RARB: variants seen among roughly 807,000 people sequenced by gnomAD.
RARB encodes the protein HBV-activated protein.
RARB carries 17 observed loss-of-function variants against 51.9 expected under a neutral mutation model. That is an observed-to-expected ratio of 0.33 (90% confidence interval 0.22 to 0.49). RARB has a LOEUF of 0.49. Among genes scored for constraint, RARB ranks in the 20% least tolerant of loss-of-function variants. RARB has a pLI of 0.99. For missense variants in RARB, 369 were observed against 550.8 expected (o/e 0.67, Z 3.30); for synonymous variants, 215 against 195.4 (o/e 1.10, Z -0.84).
chr3:25,556,168 A>G (rs1209490881), intron 3 of RARB, among the ~76,000 whole-genome samples: 1 of 152,166 alleles, frequency 6.6e-6, no homozygotes, highest in East Asian at 1.9e-4. Context: ...AATACCTGAG[A>G]ATTAAAGTTC....
intron 4 of RARB, among the ~76,000 whole-genome samples, chr3:25,576,086 C>T (rs1700916104): frequency 7.7e-6 from 1 of 129,204 alleles, no homozygotes; most frequent in Non-Finnish European, 1.6e-5. Context: ...ACGTTCCCAG[C>T]AAAAGCAATA....
At chr3:24,996,082 T>A (rs1010548748) in intron 2 of RARB, among the ~76,000 whole-genome samples, 1 of 152,104 alleles carries the variant, frequency 6.6e-6, no homozygotes, top group Admixed American at 6.6e-5. Flanking sequence ...GTGAAGCCAT[T>A]GGTTCTGGAC....
chr3:25,184,536 A>G (rs1700931808), intron 5 of RARB, among the ~76,000 whole-genome samples: 1 of 152,100 alleles, frequency 6.6e-6, no homozygotes, highest in Non-Finnish European at 1.5e-5. Context: ...GGGGAGATGC[A>G]GAAAGATAGG....
chr3:25,014,972 T>C (rs1034920928), intron 2 of RARB, among the ~76,000 whole-genome samples: 2 of 152,216 alleles, frequency 1.3e-5, no homozygotes, highest in African/African-American at 4.8e-5. Flanking sequence ...GTATATCTTT[T>C]TGTATTTCTT....
intron 3 of RARB, among the ~76,000 whole-genome samples, chr3:25,081,007 TTTAC>T (rs1379842790): frequency 6.6e-6 from 1 of 152,120 alleles, no homozygotes; most frequent in Non-Finnish European, 1.5e-5. Context: ...TCTGATCTCT[TTTAC>T]TTTATTATCT....
At chr3:25,427,777 G>A (rs193276730), upstream of RARB, among the ~76,000 whole-genome samples, 23 of 152,302 alleles carry the variant, frequency 1.5e-4, no homozygotes, top group African/African-American at 5.3e-4. Context: ...CTACAGTTTA[G>A]GGCTTGCATG....
At chr3:24,917,162 C>G (rs1575070596) in intron 2 of RARB, among the ~76,000 whole-genome samples, 2 of 152,164 alleles carry the variant, frequency 1.3e-5, no homozygotes, top group East Asian at 3.9e-4. Context: ...TTAGTGGGAA[C>G]AAATTACTTT....
intron 4 of RARB, among the ~76,000 whole-genome samples, chr3:25,170,125 A>G (rs1472286627): frequency 2.6e-5 from 4 of 152,126 alleles, no homozygotes; most frequent in Non-Finnish European, 4.4e-5. Context: ...ACCACGGCCC[A>G]TGGGTCAAAT....
intron 2 of RARB, among the ~76,000 whole-genome samples, chr3:25,471,740 A>G (rs879762682): frequency 3.3e-5 from 5 of 152,116 alleles, no homozygotes; most frequent in Non-Finnish European, 7.3e-5. Flanking sequence ...GAAAATATCT[A>G]GAACACTTTC....
intron 3 of RARB, among the ~76,000 whole-genome samples, chr3:25,072,715 TA>T (rs1318808508): frequency 3.4e-5 from 5 of 148,026 alleles, no homozygotes; most frequent in African/African-American, 1.0e-4. Context: ...ATTTTTTATT[TA>T]TTTTTTTTTT....
At chr3:25,224,925 C>A (rs1702022899) in intron 5 of RARB, among the ~76,000 whole-genome samples, 1 of 152,084 alleles carries the variant, frequency 6.6e-6, no homozygotes, top group Non-Finnish European at 1.5e-5. Flanking sequence ...TATACTGTAC[C>A]TAAGCAGCTT....
chr3:25,406,848 A>G (rs1478774018), intron 5 of RARB, among the ~76,000 whole-genome samples: 1 of 152,168 alleles, frequency 6.6e-6, no homozygotes, highest in Non-Finnish European at 1.5e-5. Context: ...ACATTGCCTC[A>G]ACCCAGGGTG....
chr3:25,290,774 G>A (rs1025448682), intron 5 of RARB, among the ~76,000 whole-genome samples: 3 of 152,176 alleles, frequency 2.0e-5, no homozygotes, highest in African/African-American at 7.2e-5. Context: ...GCCATTGACA[G>A]TGAGGGATGC....
At chr3:25,236,742 G>T (rs1017101641) in intron 5 of RARB, among the ~76,000 whole-genome samples, 3 of 151,954 alleles carry the variant, frequency 2.0e-5, no homozygotes, top group African/African-American at 7.2e-5. Context: ...TATTGAATTT[G>T]GTGTTTGGTA....
At chr3:25,165,421 T>C (rs548123972) in intron 4 of RARB, among the ~76,000 whole-genome samples, 6 of 152,288 alleles carry the variant, frequency 3.9e-5, no homozygotes, top group African/African-American at 1.2e-4. Context: ...TCTGATAGGA[T>C]AGATGGGTCA....
chr3:25,558,314 C>T (rs1409076391), intron 3 of RARB, among the ~76,000 whole-genome samples: 2 of 152,168 alleles, frequency 1.3e-5, no homozygotes, highest in Admixed American at 1.3e-4. Context: ...CAACTTTCTC[C>T]ATTGCCAAAA....
chr3:25,462,865 C>T (rs1364945295), intron 2 of RARB, among the ~76,000 whole-genome samples: 1 of 152,186 alleles, frequency 6.6e-6, no homozygotes, highest in East Asian at 1.9e-4. Context: ...TTCCAGAAGA[C>T]AGAACAAAAG....
At chr3:25,352,668 T>C (rs1281776492) in intron 5 of RARB, among the ~76,000 whole-genome samples, 1 of 152,232 alleles carries the variant, frequency 6.6e-6, no homozygotes, top group African/African-American at 2.4e-5. Context: ...TGGACCTATA[T>C]CATGTCAGCA....
intron 2 of RARB, among the ~76,000 whole-genome samples, chr3:24,897,720 C>T (rs1336707490): frequency 6.7e-6 from 1 of 149,232 alleles, no homozygotes; most frequent in African/African-American, 2.5e-5. Flanking sequence ...GAAACCATCA[C>T]AGTATTTTCC....
Sources: allele counts gnomAD v4.1 joint callset (sites outside exome capture counted in the v4.1 genomes callset), GRCh38; gene constraint gnomAD v4.1.1; transcripts MANE v1.5; gene names NCBI Gene and HGNC (gene_info 2026-07-23, HGNC 2026-07-21).